Variants in SMAD6 observed in about 807,000 individuals in gnomAD.
The protein encoded by SMAD6 is MAD homolog 6.
In SMAD6, 103 loss-of-function variants were observed where a neutral mutation model predicts 39.4. The ratio of observed to expected loss-of-function variants is 2.62; its 90% CI spans 2.23 to 3.08. SMAD6 has a LOEUF of 3.08. Among genes scored for constraint, SMAD6 ranks in the 30% most tolerant of loss-of-function variants. The probability of loss-of-function intolerance (pLI) is 0.00; values close to 1 mark genes in which losing one functional copy is unlikely to be tolerated. For synonymous variants in SMAD6, 445 were observed against 353.3 expected (o/e 1.26, Z -2.91); for missense variants, 1,104 against 742.9 (o/e 1.49, Z -5.65).
At chr15:66,707,146 C>CG (rs1268984720) in intron 1 of SMAD6, 2 of 152,212 alleles carry the variant, frequency 1.3e-5, no homozygotes, top group Admixed American at 6.5e-5. Context: ...TCGCTGAGCT[C>CG]GGTGGGTGCC....
At chr15:66,734,436 A>G (rs1436575419) in intron 3 of SMAD6, among the ~76,000 whole-genome samples, 2 of 152,214 alleles carry the variant, frequency 1.3e-5, no homozygotes, top group Non-Finnish European at 2.9e-5. Context: ...AAGGGGGAAC[A>G]GAGCAGGGAG....
At chr15:66,780,688 A>G (rs1894542559) in intron 3 of SMAD6, among the ~76,000 whole-genome samples, 1 of 152,214 alleles carries the variant, frequency 6.6e-6, no homozygotes, top group African/African-American at 2.4e-5. Context: ...ATGAAGAGGC[A>G]GGGGCAGGGT....
chr15:66,717,110 C>A, intron 3 of SMAD6: 1 of 1,288,670 alleles, frequency 7.8e-7, no homozygotes, highest in Non-Finnish European at 1.0e-6. Context: ...CGGAGGAATA[C>A]CTGAATCAAA....
chr15:66,746,228 G>A (rs1466776051), intron 3 of SMAD6, among the ~76,000 whole-genome samples: 4 of 152,198 alleles, frequency 2.6e-5, no homozygotes, highest in Admixed American at 6.5e-5. Flanking sequence ...GTGCAACTTC[G>A]GTGACTCCTG....
In SMAD6 at chr15:66,716,791, C is replaced by T. The variant is rs942162092; in HGVS notation, c.952+293C>T. 2.6e-5 allele frequency among the ~76,000 whole-genome samples: 4 copies of T among 152,224 alleles called. No homozygotes were observed. In the East Asian group the frequency reaches 7.7e-4, roughly 29 times the overall value. ...ATGATAAAAGCTCAGCACAGCTCTC[C>T]CTTTCGTGTTTAGAAAGAGATCCTC... On this transcript the variant is annotated intron_variant, in intron 3 of 3. Coordinates refer to ENST00000288840, the MANE Select transcript of SMAD6 (RefSeq NM_005585.5).
chr15:66,732,168 C>G (rs1893642343), intron 3 of SMAD6, among the ~76,000 whole-genome samples: 2 of 152,090 alleles, frequency 1.3e-5, no homozygotes, highest in African/African-American at 4.8e-5. Flanking sequence ...TGGTCTTGAA[C>G]TCTTGGTTTC....
Position 66,703,936 on chromosome 15 carries a change from C to A in SMAD6, c.678C>A (p.Leu226=). ...GGQPAPPQLL[L]GRLFRWPDLQ... The stretch of plus-strand genomic sequence containing the variant: ...AGCCCGCGCCGCCGCAGCTGCTGCT[C>A]GGCCGCCTCTTTCGCTGGCCCGACC... Residue 226 remains leucine, a synonymous_variant, in exon 1 of 4, where the codon CTC becomes CTA. Transcript: ENST00000288840. 1 of 1,376,334 alleles carries A rather than the reference C, an allele frequency of 7.3e-7. No homozygotes were observed. Among genetic ancestry groups the A allele is most frequent in the Non-Finnish European group, 9.4e-7 (1 of 1,063,142 alleles). The allele number at this position is 1,376,334 out of a possible 1,614,324, so 85.3% of individuals were successfully genotyped here. A position where few individuals can be genotyped will look rare whatever the true frequency, so the allele number is the denominator to read the frequency against.
intron 3 of SMAD6, among the ~76,000 whole-genome samples, chr15:66,757,144 G>A (rs1457426908): frequency 6.6e-6 from 1 of 152,184 alleles, no homozygotes; most frequent in African/African-American, 2.4e-5. Context: ...TCCCGTTCAT[G>A]CCATAAGGAT....
chr15:66,730,206 G>C (rs943334147), intron 3 of SMAD6, among the ~76,000 whole-genome samples: 5 of 152,218 alleles, frequency 3.3e-5, no homozygotes, highest in Admixed American at 2.0e-4. Flanking sequence ...ACTGTCTTTT[G>C]ACAGGGATGG....
intron 3 of SMAD6, among the ~76,000 whole-genome samples, chr15:66,745,502 A>C (rs943209740): frequency 2.6e-5 from 4 of 151,570 alleles, no homozygotes; most frequent in Admixed American, 6.6e-5. Flanking sequence ...CCCCTTCCCC[A>C]CGGGTCAAGG....
chr15:66,763,346 C>G (rs964376827), intron 3 of SMAD6, among the ~76,000 whole-genome samples: 2 of 152,228 alleles, frequency 1.3e-5, no homozygotes, highest in African/African-American at 4.8e-5. Context: ...TGGCATGGCT[C>G]CAGCCCCCAC....
chr15:66,749,440 A>G (rs1228891593), intron 3 of SMAD6, among the ~76,000 whole-genome samples: 1 of 152,130 alleles, frequency 6.6e-6, no homozygotes, highest in Non-Finnish European at 1.5e-5. Context: ...CCTGGACAAC[A>G]AGAGCAAAAC....
chr15:66,732,734 G>A (rs1264297198), intron 3 of SMAD6, among the ~76,000 whole-genome samples: 1 of 151,994 alleles, frequency 6.6e-6, no homozygotes, highest in Non-Finnish European at 1.5e-5. Context: ...CTAGTTAGCA[G>A]CCATTTAAAA....
chr15:66,751,917 G>C (rs1235663392), intron 3 of SMAD6, among the ~76,000 whole-genome samples: 1 of 152,238 alleles, frequency 6.6e-6, no homozygotes, highest in Non-Finnish European at 1.5e-5. Flanking sequence ...GCCAGAATTG[G>C]AGTCGGGCCT....
intron 3 of SMAD6, among the ~76,000 whole-genome samples, chr15:66,767,404 A>G (rs747215038): frequency 2.0e-5 from 3 of 152,016 alleles, no homozygotes; most frequent in Admixed American, 6.5e-5. Context: ...GTGTCTGCCT[A>G]TTAGCCTGGT....
intron 3 of SMAD6, among the ~76,000 whole-genome samples, chr15:66,774,139 C>G (rs780243134): frequency 6.6e-6 from 1 of 152,166 alleles, no homozygotes; most frequent in Non-Finnish European, 1.5e-5. Flanking sequence ...GTGGCTGAGT[C>G]CAAGGCAGTC....
intron 1 of SMAD6, chr15:66,705,488 T>G (rs1893092316): frequency 6.9e-6 from 1 of 144,792 alleles, no homozygotes; most frequent in South Asian, 2.2e-4. Flanking sequence ...TGGAAGTGAC[T>G]TTCTCCCCTC....
intron 3 of SMAD6, among the ~76,000 whole-genome samples, chr15:66,751,162 C>A (rs777269316): frequency 6.6e-6 from 1 of 152,090 alleles, no homozygotes; most frequent in Non-Finnish European, 1.5e-5. Flanking sequence ...AAATGTTGAG[C>A]CTTATTCTGC....
In SMAD6 at chr15:66,703,818, CGCTGGACACGCT is replaced by C; in HGVS notation, c.567_578del (p.Asp189_Leu192del). ...CTGCTGAAGCGGCTCAAGGAGCGCT[CGCTGGACACGCT>C]GCTGGAGGCGGTGGAGTCCCGCGGC... On this transcript the variant is annotated inframe_deletion, in exon 1 of 4. Coordinates refer to ENST00000288840, the MANE Select transcript of SMAD6 (RefSeq NM_005585.5). 7.0e-7 allele frequency: 1 copy of C among 1,421,458 alleles called. No individual in the cohort carries two copies. The highest frequency in any genetic ancestry group is 9.3e-7 in the Non-Finnish European group (1 of 1,076,432). The allele number at this position is 1,421,458 out of a possible 1,614,324, so 88.1% of individuals were successfully genotyped here.
Sources: allele counts gnomAD v4.1 joint callset (sites outside exome capture counted in the v4.1 genomes callset), GRCh38; gene constraint gnomAD v4.1.1; transcripts MANE v1.5; gene names NCBI Gene and HGNC (gene_info 2026-07-23, HGNC 2026-07-21).